Variants in IGSF22 observed in about 807,000 individuals in gnomAD.
IGSF22 encodes immunoglobulin superfamily, member 22.
IGSF22 carries 119 observed loss-of-function variants against 127.0 expected under a neutral mutation model. The observed-to-expected ratio is 0.94, with a 90% confidence interval of 0.81 to 1.09. IGSF22 has a LOEUF of 1.09. Among genes scored for constraint, IGSF22 ranks in the 50% least tolerant of loss-of-function variants. The pLI is 0.00. For synonymous variants in IGSF22, 568 were observed against 664.7 expected (o/e 0.85, Z 2.24); for missense variants, 1,518 against 1,716.6 (o/e 0.88, Z 2.04).
intron 4 of IGSF22, 75 bp downstream of exon 4, chr11:18,721,460 G>A: frequency 6.3e-6 from 10 of 1,596,534 alleles, no homozygotes; most frequent in Non-Finnish European, 8.6e-6. Context: ...TCATCGGTGA[G>A]AAGACTGGCG....
chr11:18,715,462 A>C lies in IGSF22; in HGVS notation c.1501T>G (p.Tyr501Asp). 1 of 1,613,194 alleles carries C rather than the reference A, an allele frequency of 6.2e-7. No individual in the cohort carries two copies. The highest frequency in any genetic ancestry group is 2.2e-5 in the East Asian group (1 of 44,882). Residue 501 changes from tyrosine (Y) to aspartate (D), a missense_variant, in exon 11 of 23, where the codon TAC (tyrosine) becomes GAC (aspartate). Around this residue, in one of 3 missense-constraint regions of IGSF22, gnomAD observed 1,456 missense variants for 1,644.9 expected, o/e 0.89. Coordinates refer to ENST00000513874, the MANE Select transcript of IGSF22 (RefSeq NM_173588.4). ...VAMQDGDPTE[Y>D]YSTAIVTVEE... ...ACAGTGACGATGGCAGTACTGTAGT[A>C]TTCAGTAGGGTCTCCATCCTGCATG...
Position 18,705,989 on chromosome 11 carries a change from G to C in IGSF22, c.3738C>G (p.Leu1246=), listed in dbSNP as rs1848219827. ...FLGNPRPTVT[L]YKGDVNITAN... ...CCGTGATGTTGACGTCGCCCTTGTA[G>C]AGGGTCACTGTGGGCCGCGGGTTCC... The change falls in exon 22 of 23, where the codon CTC becomes CTG. Residue 1246 remains leucine, a synonymous_variant. Transcript: ENST00000513874. The C allele has an allele frequency of 6.4e-7, 1 of 1,551,610 alleles. No homozygotes were observed. The highest frequency in any genetic ancestry group is 1.4e-5 in the African/African-American group (1 of 73,064).
chr11:18,715,108 G>T (rs1399928514), intron 11 of IGSF22, among the ~76,000 whole-genome samples: 1 of 151,974 alleles, frequency 6.6e-6, no homozygotes, highest in Non-Finnish European at 1.5e-5. Flanking sequence ...TAGGTAGTAG[G>T]AGATGGTCGG....
At chr11:18,724,290 A>T in intron 1 of IGSF22, 21 bp from the exon 2 acceptor site, 4 of 1,286,612 alleles carry the variant, frequency 3.1e-6, no homozygotes, top group Non-Finnish European at 4.5e-6. Flanking sequence ...GGATGAGGCC[A>T]TGAAGGACAA....
chr11:18,705,782 C>A, intron 22 of IGSF22, 35 bp downstream of exon 22: 1 of 1,503,208 alleles, frequency 6.7e-7, no homozygotes. Flanking sequence ...TGCGCCTCTC[C>A]CCCTCCTCGA....
chr11:18,720,360 G>A (rs1352989742), intron 4 of IGSF22, 75 bp from the exon 5 acceptor site: 2 of 1,146,348 alleles, frequency 1.7e-6, no homozygotes, highest in East Asian at 2.4e-5. Context: ...TAAGGTAGGA[G>A]GCCTTTTTTT....
At chr11:18,721,314 C>A (rs1848567132) in intron 4 of IGSF22, among the ~76,000 whole-genome samples, 1 of 152,254 alleles carries the variant, frequency 6.6e-6, no homozygotes, top group Non-Finnish European at 1.5e-5. Context: ...CTGCTCTGCC[C>A]CGGGGGTACT....
intron 8 of IGSF22, 136 bp from the exon 9 acceptor site, chr11:18,718,229 A>G: frequency 1.3e-6 from 1 of 774,902 alleles, no homozygotes; most frequent in East Asian, 2.7e-5. Context: ...TATGATCTCT[A>G]TAGCCTCATC....
rs1409245337 is a variant in IGSF22, at chr11:18,724,344, C to T, written c.-33-75G>A. 9.2e-6 allele frequency: 7 copies of T among 762,258 alleles called. No individual in the cohort carries two copies. The African/African-American group carries it at 1.0e-4, about 11-fold the overall frequency. 47.2% of individuals were successfully genotyped at this position (762,258 alleles called of 1,614,324 possible). On this transcript the variant is annotated intron_variant, in intron 1 of 22. Coordinates refer to ENST00000513874, the MANE Select transcript of IGSF22 (RefSeq NM_173588.4). ...GATTCAGAGATGTTATGTGTGTGTT[C>T]AGACATAAGAGGAGATGGAAGCACA...
chr11:18,719,610 G>C (rs1848529892), intron 7 of IGSF22, 106 bp downstream of exon 7: 1 of 1,091,302 alleles, frequency 9.2e-7, no homozygotes, highest in Non-Finnish European at 1.3e-6. Context: ...GAGTATGTGT[G>C]TGCAGAACTG....
At chr11:18,706,263 A>C in intron 21 of IGSF22, 117 bp from the exon 22 acceptor site, 2 of 992,814 alleles carry the variant, frequency 2.0e-6, no homozygotes, top group Non-Finnish European at 2.9e-6. Flanking sequence ...TCCCAGCGCC[A>C]CCAACTCTGG....
chr11:18,714,662 T>G, intron 11 of IGSF22, 38 bp from the exon 12 acceptor site: 1 of 1,609,884 alleles, frequency 6.2e-7, no homozygotes, highest in Non-Finnish European at 8.5e-7. Context: ...GCTCAGGATG[T>G]TGGGGTGGGA....
rs967620782 is a variant in IGSF22 at position 18,707,005 on chromosome 11, C to T, written c.3489G>A (p.Arg1163=). 1 of 1,551,180 alleles carries T rather than the reference C, an allele frequency of 6.4e-7. No homozygotes were observed. Among genetic ancestry groups the T allele is most frequent in the African/African-American group, 1.4e-5 (1 of 73,048 alleles). The change falls in exon 21 of 23, where the codon AGG becomes AGA. Residue 1163 remains arginine (R), a synonymous_variant. Transcript: ENST00000513874. ...KYTVTGLLPG[R]KYYFRVVARN... ...GAGCCACCACTCTGAAGTAGTACTT[C>T]CTGCCTGGGAGCAGCCCCGTCACTG...
At chr11:18,704,571 A>G (rs1564864982) in intron 22 of IGSF22, 33 bp from the exon 23 acceptor site, 22 of 1,361,290 alleles carry the variant, frequency 1.6e-5, no homozygotes, top group Non-Finnish European at 2.1e-5. Context: ...CGTTATATTA[A>G]TGATGCTGGC....
In IGSF22 at chr11:18,704,421, A is replaced by T. The variant is rs1481932340; in HGVS notation, c.*47T>A. The T allele has an allele frequency of 7.4e-7, 1 of 1,354,148 alleles. No individual in the cohort carries two copies. Among genetic ancestry groups the T allele is most frequent in the Non-Finnish European group, 1.0e-6 (1 of 967,280 alleles). 83.9% of individuals were successfully genotyped at this position (1,354,148 alleles called of 1,614,324 possible). On this transcript the variant is annotated 3_prime_UTR_variant, in exon 23 of 23. Coordinates refer to ENST00000513874, the MANE Select transcript of IGSF22 (RefSeq NM_173588.4). ...TGGGCCATGCAGAGGACAGGCCAAGAAACTCCACATCATAACAGCCTCCTG... is the reference window on the plus strand; with the variant it reads ...TGGGCCATGCAGAGGACAGGCCAAGTAACTCCACATCATAACAGCCTCCTG...
At chr11:18,721,431 CG>C in intron 4 of IGSF22, 103 bp downstream of exon 4, 1 of 1,498,752 alleles carries the variant, frequency 6.7e-7, no homozygotes. Context: ...GCCCGGCTCT[CG>C]GGCCGCCGTT....
chr11:18,708,224 T>C lies in IGSF22; in HGVS notation c.3070A>G (p.Ile1024Val). 3 of 1,546,570 alleles carry C rather than the reference T, an allele frequency of 1.9e-6. No homozygotes were observed. The highest frequency in any genetic ancestry group is 2.6e-6 in the Non-Finnish European group (3 of 1,144,626). ...CAACTCACAGAGAAGGCTGCATGGATGCAGAGGGCTGTCCCAGCGCGAACC... is the reference window on the plus strand; with the variant it reads ...CAACTCACAGAGAAGGCTGCATGGACGCAGAGGGCTGTCCCAGCGCGAACC... The part of the protein sequence containing the change: ...MVVRAGTALC[I>V]HAAFSGSPPP... Residue 1024 changes from isoleucine to valine, a missense_variant, in exon 19 of 23, where the codon ATC becomes GTC. Around this residue, in one of 3 missense-constraint regions of IGSF22, gnomAD observed 1,456 missense variants for 1,644.9 expected, o/e 0.89. Transcript: ENST00000513874.
chr11:18,714,716 G>C, intron 11 of IGSF22, 92 bp from the exon 12 acceptor site: 1 of 1,507,342 alleles, frequency 6.6e-7, no homozygotes, highest in Non-Finnish European at 9.0e-7. Flanking sequence ...CATGGGACTG[G>C]TCAGGGGTGC....
At position 18,706,091 on chromosome 11, in the gene IGSF22, C is replaced by T. The variant is rs1393608305; in HGVS notation, c.3636G>A (p.Ala1212=). The T allele has an allele frequency of 3.2e-6, 5 of 1,548,436 alleles. No homozygotes were observed. The East Asian group carries it at 1.2e-4, about 38-fold the overall frequency. Reference sequence around the variant, plus strand: ...GCTTGAGGGGCGTCACGAAGCGCGGCGCGTGGCGCCAGTCCTTCTTCTCGT... The same window carrying T: ...GCTTGAGGGGCGTCACGAAGCGCGGTGCGTGGCGCCAGTCCTTCTTCTCGT... The part of the protein sequence containing the change: ...KPYEKKDWRH[A]PRFVTPLKPH... The change falls in exon 22 of 23, where the codon GCG becomes GCA. Residue 1212 remains alanine (A), a synonymous_variant. Coordinates refer to ENST00000513874, the MANE Select transcript of IGSF22 (RefSeq NM_173588.4).
Sources: allele counts gnomAD v4.1 joint callset (sites outside exome capture counted in the v4.1 genomes callset), GRCh38; gene constraint gnomAD v4.1.1; regional missense constraint gnomAD v4.1.1; transcripts MANE v1.5; gene names NCBI Gene and HGNC (gene_info 2026-07-23, HGNC 2026-07-21).